Variants in ZNF117 observed in about 807,000 individuals in gnomAD.
ZNF117 encodes the protein Krueppel-related zinc finger protein.
Under a neutral mutation model 41.2 loss-of-function variants are expected in ZNF117, and 37 were observed. That is an observed-to-expected ratio of 0.90 (90% CI 0.69 to 1.18). The LOEUF is 1.18. Ranked by LOEUF, ZNF117 falls within the 50% of genes most tolerant of loss-of-function variation. ZNF117 has a pLI of 0.00. For missense variants in ZNF117, 546 were observed against 557.5 expected (o/e 0.98, Z 0.21); for synonymous variants, 186 against 186.6 (o/e 1.00, Z 0.02).
chr7:64,977,475 C>T, exon 3 of ZNF117: 1 of 486,614 alleles, frequency 2.1e-6, no homozygotes, highest in Non-Finnish European at 4.1e-6. Context: ...ACATTCCTCA[C>T]ATTTGTAAGG....
At chr7:64,981,353 T>G in intron 2 of ZNF117, 34 bp downstream of exon 3, 2 of 1,611,908 alleles carry the variant, frequency 1.2e-6, no homozygotes, top group Non-Finnish European at 1.7e-6. Context: ...TTTGACCTCT[T>G]CTCTGTGCCA....
exon 3 of ZNF117, chr7:64,977,593 T>C (rs775932583): frequency 2.0e-4 from 117 of 596,212 alleles, no homozygotes; most frequent in Non-Finnish European, 3.4e-4. Flanking sequence ...TGAATTCTTT[T>C]ATGTATAGTA....
exon 3 of ZNF117, chr7:64,979,429 G>T (rs1309132973): frequency 6.2e-7 from 1 of 1,610,112 alleles, no homozygotes; most frequent in Non-Finnish European, 8.5e-7. Flanking sequence ...TTTCTTAACT[G>T]TAAATTCTCA....
At chr7:64,977,164 G>C (rs996551901) in exon 3 of ZNF117, 2 of 468,772 alleles carry the variant, frequency 4.3e-6, no homozygotes, top group African/African-American at 4.0e-5. Context: ...TCTCCAGTAT[G>C]AATTACCTTA....
chr7:64,977,488 T>C (rs1349148001), exon 3 of ZNF117: 1 of 496,826 alleles, frequency 2.0e-6, no homozygotes, highest in African/African-American at 2.0e-5. Context: ...TTGTAAGGTT[T>C]CTCTCCAGTA....
At chr7:64,979,687 T>A in intron 2 of ZNF117, 151 bp from the exon 4 acceptor site, 1 of 532,252 alleles carries the variant, frequency 1.9e-6, no homozygotes, top group Non-Finnish European at 3.0e-6. Flanking sequence ...CATATAAATG[T>A]AACAAGAGCA....
chr7:64,977,523 G>A (rs1785917286), exon 3 of ZNF117: 2 of 530,932 alleles, frequency 3.8e-6, no homozygotes, highest in Non-Finnish European at 7.5e-6. Context: ...TATAGTAAGA[G>A]TTGACACTTG....
chr7:64,973,464 TAA>T (rs1199522168), downstream of ZNF117: 1 of 151,976 alleles, frequency 6.6e-6, no homozygotes, highest in Non-Finnish European at 1.5e-5. Flanking sequence ...AAAAATTTAA[TAA>T]GTTTTTCCTT....
At chr7:64,978,109 G>C in exon 3 of ZNF117, 2 of 1,604,312 alleles carry the variant, frequency 1.2e-6, no homozygotes, top group Non-Finnish European at 1.7e-6. Flanking sequence ...TGTTCAATGA[G>C]TTTTGAGGAT....
intron 1 of ZNF117, 53 bp downstream of exon 2, chr7:64,981,931 A>G (rs1430778593): frequency 2.1e-6 from 1 of 467,866 alleles, no homozygotes; most frequent in Non-Finnish European, 3.9e-6. Flanking sequence ...ACATTCTACA[A>G]AAAAGAGAAT....
chr7:64,982,518 C>T (rs963503462), upstream of ZNF117, among the ~76,000 whole-genome samples: 1 of 152,146 alleles, frequency 6.6e-6, no homozygotes, highest in Non-Finnish European at 1.5e-5. Context: ...TGATAAACTT[C>T]AGATCTCGTT....
Position 64,978,436 on chromosome 7 carries a change from G to A in ZNF117, c.1135C>T (p.His379Tyr), listed in dbSNP as rs1215280483. The stretch of plus-strand genomic sequence containing the variant: ...TTCTCTCCAGTATGGATTATCTTAT[G>A]TGTATTAAGGGCTGAGGACTGGTTA... The change falls in exon 3 of 3, where the codon CAT (histidine) becomes TAT (tyrosine). Residue 379 changes from histidine to tyrosine, a missense_variant. Transcript: ENST00000620222. 3 of 1,613,556 alleles carry A rather than the reference G, an allele frequency of 1.9e-6. No homozygotes were observed. Among genetic ancestry groups the A allele is most frequent in the Middle Eastern group, 3.3e-4 (2 of 6,060 alleles).
chr7:64,989,490 TATATATATAA>T (rs1372056958), intron 1 of ZNF117, among the ~76,000 whole-genome samples: 28 of 75,950 alleles, frequency 3.7e-4, no homozygotes, highest in African/African-American at 1.2e-3. Context: ...TATATATATA[TATATATATAA>T]AACCTGAAAA....
At chr7:64,977,725 C>T (rs762051751) in exon 3 of ZNF117, 9 of 888,190 alleles carry the variant, frequency 1.0e-5, no homozygotes, top group Non-Finnish European at 1.4e-5. Context: ...CCACATTCTT[C>T]ACATTTATAT....
chr7:64,986,495 G>C (rs1170160250), upstream of ZNF117, among the ~76,000 whole-genome samples: 1 of 152,108 alleles, frequency 6.6e-6, no homozygotes, highest in Non-Finnish European at 1.5e-5. Flanking sequence ...TAGACAAAAA[G>C]GGGCAGGGGA....
At chr7:64,976,990 C>T (rs1367898284) in exon 3 of ZNF117, 3 of 535,060 alleles carry the variant, frequency 5.6e-6, no homozygotes, top group South Asian at 2.8e-5. Context: ...GGTTTCTCTC[C>T]AGTACGATTT....
At position 64,976,850 on chromosome 7, in the gene ZNF117, A is replaced by T. The variant is rs549027103; in HGVS notation, c.*1269T>A. The T allele has an allele frequency of 3.6e-4, 159 of 439,040 alleles. 1 individual carries two copies. Among genetic ancestry groups the T allele is most frequent in the South Asian group, 2.6e-3 (156 of 60,850 alleles). 27.2% of individuals were successfully genotyped at this position (439,040 alleles called of 1,614,324 possible). A position where few individuals can be genotyped will look rare whatever the true frequency, so the allele number is the denominator to read the frequency against. Reference sequence around the variant, plus strand: ...CAGTATTAATTTTCTTATGTTTAGTAAAGTTTGAGATTTAGTTACAAGCAT... The same window carrying T: ...CAGTATTAATTTTCTTATGTTTAGTTAAGTTTGAGATTTAGTTACAAGCAT... On this transcript the variant is annotated 3_prime_UTR_variant, in exon 3 of 3. Coordinates refer to ENST00000620222, the Ensembl canonical transcript of ZNF117.
At chr7:64,985,516 A>T (rs952536741), upstream of ZNF117, among the ~76,000 whole-genome samples, 17 of 152,248 alleles carry the variant, frequency 1.1e-4, no homozygotes, top group Admixed American at 1.3e-4. Context: ...AATCTTTGCC[A>T]AAGCAATGAA....
At chr7:64,986,007 G>A (rs888362873), upstream of ZNF117, among the ~76,000 whole-genome samples, 15 of 147,880 alleles carry the variant, frequency 1.0e-4, no homozygotes, top group South Asian at 2.2e-4. Flanking sequence ...TTCATGTGGA[G>A]AATAAGGCTT....
Sources: allele counts gnomAD v4.1 joint callset (sites outside exome capture counted in the v4.1 genomes callset), GRCh38; gene constraint gnomAD v4.1.1; transcripts MANE v1.5; gene names NCBI Gene and HGNC (gene_info 2026-07-23, HGNC 2026-07-21).